The following AGO2 variants were observed in gnomAD, a reference collection of about 807,000 sequenced individuals.
AGO2 encodes protein argonaute-2.
AGO2 carries 5 observed loss-of-function variants against 102.3 expected under a neutral mutation model. The ratio of observed to expected loss-of-function variants is 0.05; its 90% CI spans 0.03 to 0.10. The LOEUF (loss-of-function observed/expected upper bound fraction) is 0.10, where lower values mean the gene tolerates loss of function less well. Ranked by LOEUF, AGO2 falls within the 10% of genes least tolerant of loss-of-function variation. AGO2 has a pLI of 1.00. For synonymous variants in AGO2, 449 were observed against 473.1 expected (o/e 0.95, Z 0.66); for missense variants, 541 against 1,183.7 (o/e 0.46, Z 7.97).
rs1449672738 is a variant in AGO2, at chr8:140,522,414, G to A, written c.*9630C>T. ...CAAAAATCCATTTAAATCATATGCAGAAGCGATGACAGGTGGTACTACCTG... is the reference window on the plus strand; with the variant it reads ...CAAAAATCCATTTAAATCATATGCAAAAGCGATGACAGGTGGTACTACCTG... On this transcript the variant is annotated 3_prime_UTR_variant, in exon 19 of 19. Transcript: ENST00000220592. 2.0e-5 allele frequency: 3 copies of A among 151,966 alleles called. No homozygotes were observed. The East Asian group carries it at 5.8e-4, about 29-fold the overall frequency. 9.4% of individuals were successfully genotyped at this position (151,966 alleles called of 1,614,324 possible). A position where few individuals can be genotyped will look rare whatever the true frequency, so the allele number is the denominator to read the frequency against.
chr8:140,601,336 C>G (rs865882968), intron 1 of AGO2, among the ~76,000 whole-genome samples: 1 of 152,218 alleles, frequency 6.6e-6, no homozygotes, highest in Non-Finnish European at 1.5e-5. Context: ...TTGTTAAAAA[C>G]GGTGCATGCC....
intron 10 of AGO2, 101 bp from the exon 11 acceptor site, chr8:140,551,537 T>G (rs1466350120): frequency 5.4e-6 from 7 of 1,307,984 alleles, no homozygotes; most frequent in Non-Finnish European, 6.0e-6. Context: ...GACCAACAAC[T>G]GCTTCTCAGG....
intron 1 of AGO2, among the ~76,000 whole-genome samples, chr8:140,607,904 T>A (rs2074025391): frequency 6.6e-6 from 1 of 152,150 alleles, no homozygotes; most frequent in Non-Finnish European, 1.5e-5. Flanking sequence ...TTGAGTTATG[T>A]ACTTTAAACC....
chr8:140,551,492 C>G, intron 10 of AGO2, 56 bp from the exon 11 acceptor site: 1 of 1,420,558 alleles, frequency 7.0e-7, no homozygotes, highest in Non-Finnish European at 9.3e-7. Context: ...ATTCCTTCAA[C>G]CTTAGACTTT....
chr8:140,568,774 CAA>C (rs749741338), intron 3 of AGO2, among the ~76,000 whole-genome samples: 13 of 152,350 alleles, frequency 8.5e-5, no homozygotes, highest in Non-Finnish European at 1.5e-4. Flanking sequence ...AGTGGGAATT[CAA>C]AGTCACCTGG....
the AGO2 span, among the ~76,000 whole-genome samples, chr8:140,641,128 A>G: frequency 3.3e-5 from 5 of 152,124 alleles, no homozygotes; most frequent in Admixed American, 6.5e-5. Context: ...CCCTATCTCT[A>G]CAAAAAATAC....
intron 13 of AGO2, 45 bp from the exon 14 acceptor site, chr8:140,544,348 G>T: frequency 6.6e-7 from 1 of 1,523,762 alleles, no homozygotes; most frequent in Non-Finnish European, 8.9e-7. Context: ...GACACGCCTG[G>T]ACCTCTGACG....
intron 10 of AGO2, among the ~76,000 whole-genome samples, chr8:140,552,690 ACG>A (rs910080104): frequency 1.3e-4 from 19 of 151,916 alleles, no homozygotes; most frequent in Admixed American, 1.2e-3. Flanking sequence ...ACACACACAC[ACG>A]CATGCACTCA....
At chr8:140,586,585 G>A (rs918387066) in intron 1 of AGO2, among the ~76,000 whole-genome samples, 5 of 152,172 alleles carry the variant, frequency 3.3e-5, no homozygotes, top group African/African-American at 1.2e-4. Flanking sequence ...ACAGGATGAC[G>A]TCTGATGACT....
At chr8:140,536,975 A>G (rs756993953) in intron 16 of AGO2, among the ~76,000 whole-genome samples, 1 of 152,206 alleles carries the variant, frequency 6.6e-6, no homozygotes, top group Non-Finnish European at 1.5e-5. Context: ...GCACTGTTTC[A>G]GCTGCATTGC....
At chr8:140,572,101 A>G (rs1306565047) in intron 3 of AGO2, 1 of 152,238 alleles carries the variant, frequency 6.6e-6, no homozygotes, top group Non-Finnish European at 1.5e-5. Flanking sequence ...ATCACTCTGC[A>G]GCAGCACATT....
At chr8:140,634,409 G>A (rs1227649626) in intron 1 of AGO2, among the ~76,000 whole-genome samples, 3 of 152,172 alleles carry the variant, frequency 2.0e-5, no homozygotes, top group Non-Finnish European at 2.9e-5. Flanking sequence ...AGAGCCCGGC[G>A]GGGCCTGCGC....
chr8:140,542,613 A>G (rs1039095117), intron 14 of AGO2, among the ~76,000 whole-genome samples: 1 of 151,662 alleles, frequency 6.6e-6, no homozygotes, highest in Admixed American at 6.6e-5. Context: ...CCAAAAGCCC[A>G]AGATATAGTT....
chr8:140,549,090 G>A (rs756288735), intron 12 of AGO2, 24 bp downstream of exon 12: 102 of 1,573,888 alleles, frequency 6.5e-5, no homozygotes, highest in Non-Finnish European at 8.6e-5. Flanking sequence ...GCTCCCCACA[G>A]CCAGCGGGAG....
intron 2 of AGO2, among the ~76,000 whole-genome samples, chr8:140,583,324 CA>C (rs2073586486): frequency 6.6e-6 from 1 of 152,228 alleles, no homozygotes; most frequent in Non-Finnish European, 1.5e-5. Flanking sequence ...TTAGCCTCTA[CA>C]ATCATGTGAG....
chr8:140,577,800 C>A (rs1157578273), intron 2 of AGO2, among the ~76,000 whole-genome samples: 1 of 152,214 alleles, frequency 6.6e-6, no homozygotes, highest in African/African-American at 2.4e-5. Flanking sequence ...ACTGGAGACA[C>A]TCCTCTGGAT....
intron 3 of AGO2, among the ~76,000 whole-genome samples, chr8:140,565,438 C>CAAA (rs34129157): frequency 3.9e-4 from 34 of 86,470 alleles, no homozygotes; most frequent in Admixed American, 1.8e-3. Flanking sequence ...GACTCTGTCT[C>CAAA]AAAAAAAAAA....
At position 140,584,136 on chromosome 8, in the gene AGO2, TAA is replaced by T. The variant is rs11361657; in HGVS notation, c.215+981_215+982del. 1.8e-3 allele frequency among the ~76,000 whole-genome samples: 214 copies of T among 116,986 alleles called. 1 individual carries two copies. In the South Asian group the frequency reaches 0.03, roughly 17 times the overall value. The allele number at this position is 116,986 out of a possible 152,430, so 76.7% of individuals were successfully genotyped here. A position where few individuals can be genotyped will look rare whatever the true frequency, so the allele number is the denominator to read the frequency against. On this transcript the variant is annotated intron_variant, in intron 2 of 18. Coordinates refer to ENST00000220592, the MANE Select transcript of AGO2 (RefSeq NM_012154.5). ...AATAACAAAAAGACAAGAAACTCAG[TAA>T]AAAAAAAAAAAAAAACAAAACAGGC...
chr8:140,637,791 C>T (rs2074420240), upstream of AGO2: 2 of 152,530 alleles, frequency 1.3e-5, no homozygotes, highest in Non-Finnish European at 2.9e-5. Context: ...GCATGGCTAA[C>T]AGATCCACCA....
Sources: gnomAD v4.1 joint callset for allele counts (sites outside exome capture counted in the v4.1 genomes callset) on GRCh38, gnomAD v4.1.1 for gene constraint, MANE v1.5 for transcripts, NCBI Gene and HGNC (gene_info 2026-07-23, HGNC 2026-07-21) for gene names.